CLTCL1: variants seen among roughly 807,000 people sequenced by gnomAD.
CLTCL1 encodes the protein clathrin heavy chain like 1, also known as clathrin heavy chain 2.
Under a neutral mutation model 190.0 loss-of-function variants are expected in CLTCL1, and 159 were observed. The observed-to-expected ratio is 0.84, with a 90% CI of 0.74 to 0.95. The LOEUF (loss-of-function observed/expected upper bound fraction) is 0.95, where lower values mean the gene tolerates loss of function less well. CLTCL1 is among the 40% of genes least tolerant of loss of function. CLTCL1 has a pLI of 0.00. For synonymous variants in CLTCL1, 752 were observed against 769.6 expected (o/e 0.98, Z 0.38); for missense variants, 1,878 against 2,033.4 (o/e 0.92, Z 1.47).
intron 3 of CLTCL1, among the ~76,000 whole-genome samples, chr22:19,253,383 C>T (rs1045410185): frequency 5.9e-5 from 9 of 152,186 alleles, no homozygotes; most frequent in Admixed American, 1.3e-4. Context: ...CTGTGCACAT[C>T]GGGGCCCTTT....
chr22:19,216,081 T>C (rs2145704128), intron 19 of CLTCL1, 30 bp downstream of exon 19: 1 of 1,608,470 alleles, frequency 6.2e-7, no homozygotes, highest in Non-Finnish European at 8.5e-7. Context: ...AATCTGCCTG[T>C]GTCCACAGCT....
At chr22:19,291,498 G>C in intron 1 of CLTCL1, 102 bp downstream of exon 1, 1 of 1,110,396 alleles carries the variant, frequency 9.0e-7, no homozygotes, top group Non-Finnish European at 1.1e-6. Flanking sequence ...GCGGCCAGCT[G>C]GGCAGCGGCT....
At chr22:19,257,472 C>T (rs1199079738) in intron 2 of CLTCL1, 3 of 230,080 alleles carry the variant, frequency 1.3e-5, no homozygotes, top group Non-Finnish European at 2.7e-5. Flanking sequence ...AAACTAAAAT[C>T]ACAGGCAGAA....
At chr22:19,234,810 C>T (rs1189959588) in intron 6 of CLTCL1, 104 bp from the exon 7 acceptor site, 26 of 1,062,626 alleles carry the variant, frequency 2.4e-5, no homozygotes, top group Middle Eastern at 2.3e-4. Context: ...CATTCTCAGG[C>T]GAGTGTTGAG....
At chr22:19,265,895 C>T (rs1555977722) in intron 2 of CLTCL1, among the ~76,000 whole-genome samples, 1 of 152,088 alleles carries the variant, frequency 6.6e-6, no homozygotes, top group Admixed American at 6.5e-5. Context: ...TTTTTACAGA[C>T]AGGGTCTCAC....
rs1027111957 is a variant in CLTCL1 at position 19,187,599 on chromosome 22, C to T, written c.4564G>A (p.Ala1522Thr). ...TTCTTGCAGAGCTCCACGCTCTGGG[C>T]CCACCAGTTATTGCCCTTGTACAGA... ...AYLYKGNNWW[A>T]QSVELCKKDH... Residue 1522 changes from alanine (A) to threonine (T), a missense_variant, in exon 29 of 33, where the codon GCC becomes ACC. By Grantham distance (58) the Ala-to-Thr change is moderately conservative. Coordinates refer to ENST00000427926, the MANE Select transcript of CLTCL1 (RefSeq NM_007098.4). 1 of 1,613,204 alleles carries T rather than the reference C, an allele frequency of 6.2e-7. No individual in the cohort carries two copies. Among genetic ancestry groups the T allele is most frequent in the Admixed American group, 1.7e-5 (1 of 60,024 alleles).
At chr22:19,272,286 C>T (rs930513536) in intron 2 of CLTCL1, among the ~76,000 whole-genome samples, 7 of 152,086 alleles carry the variant, frequency 4.6e-5, no homozygotes, top group Admixed American at 3.3e-4. Flanking sequence ...ACCACAAATC[C>T]GTCAGCAAAG....
At chr22:19,232,755 A>G in intron 9 of CLTCL1, 157 bp from the exon 10 acceptor site, 1 of 909,712 alleles carries the variant, frequency 1.1e-6, no homozygotes, top group South Asian at 1.8e-5. Flanking sequence ...ACAATATCCA[A>G]TTAAATGAAT....
intron 22 of CLTCL1, among the ~76,000 whole-genome samples, chr22:19,203,647 C>T (rs1049060347): frequency 7.2e-5 from 11 of 152,184 alleles, no homozygotes; most frequent in Non-Finnish European, 1.5e-4. Flanking sequence ...TGGTCCATCC[C>T]CCCCCAGCCC....
At chr22:19,227,335 T>G (rs1397082090) in intron 11 of CLTCL1, among the ~76,000 whole-genome samples, 1 of 147,108 alleles carries the variant, frequency 6.8e-6, no homozygotes, top group African/African-American at 2.5e-5. Context: ...GCGAATGGAG[T>G]GCAGTGGTGC....
intron 1 of CLTCL1, among the ~76,000 whole-genome samples, chr22:19,282,837 T>G (rs898594194): frequency 1.6e-4 from 25 of 151,604 alleles, no homozygotes; most frequent in African/African-American, 5.8e-4. Context: ...AAAAGTGATG[T>G]GCTGAAAAGC....
At chr22:19,259,130 C>T (rs1480054854) in intron 2 of CLTCL1, among the ~76,000 whole-genome samples, 1 of 152,072 alleles carries the variant, frequency 6.6e-6, no homozygotes, top group South Asian at 2.1e-4. Flanking sequence ...TTTGAGACAG[C>T]GTTTCGCTCT....
chr22:19,254,120 C>T lies in CLTCL1; in HGVS notation c.358G>A (p.Ala120Thr). The T allele has an allele frequency of 6.2e-7, 1 of 1,613,580 alleles. No homozygotes were observed. Among genetic ancestry groups the T allele is most frequent in the Non-Finnish European group, 8.5e-7 (1 of 1,179,690 alleles). The part of the protein sequence containing the change: ...FWKWVSVNTV[A>T]LVTETAVYHW... ...TAGACCGCGGTCTCGGTCACCAAGG[C>T]AACAGTGTTCACAGAAACCCATTTC... Residue 120 changes from alanine (A) to threonine (T), a missense_variant, in exon 3 of 33, where the codon GCC (alanine) becomes ACC (threonine). By Grantham distance (58) the Ala-to-Thr change is moderately conservative. Transcript: ENST00000427926.
chr22:19,265,665 T>C (rs2087099982), intron 2 of CLTCL1, among the ~76,000 whole-genome samples: 1 of 152,140 alleles, frequency 6.6e-6, no homozygotes, highest in African/African-American at 2.4e-5. Flanking sequence ...GATGTTAGGA[T>C]GCATTTTATA....
Position 19,208,318 on chromosome 22 carries a change from A to G in CLTCL1, c.3443-7T>C, listed in dbSNP as rs782342962. 1.2e-6 allele frequency: 2 copies of G among 1,612,778 alleles called. No homozygotes were observed. Among genetic ancestry groups the G allele is most frequent in the Admixed American group, 3.3e-5 (2 of 59,942 alleles). ...ACTAGATCCTCCCAGTTGTCTAAAG[A>G]CAGAAAACAAAGATAGGTTAACCCA... On this transcript the variant is annotated splice_region_variant and splice_polypyrimidine_tract_variant and intron_variant, in intron 21 of 32. Coordinates refer to ENST00000427926, the MANE Select transcript of CLTCL1 (RefSeq NM_007098.4).
chr22:19,195,389 A>G (rs1357178091), intron 26 of CLTCL1, among the ~76,000 whole-genome samples: 7 of 152,146 alleles, frequency 4.6e-5, no homozygotes, highest in African/African-American at 1.7e-4. Context: ...GGTTCCTTCA[A>G]ATAGTTCCCA....
chr22:19,212,452 T>A (rs1555947306), intron 19 of CLTCL1, among the ~76,000 whole-genome samples: 1 of 149,336 alleles, frequency 6.7e-6, no homozygotes, highest in Non-Finnish European at 1.5e-5. Context: ...CTGCAGCTAC[T>A]CAGAAGGCTG....
chr22:19,270,650 C>A (rs1555980159), intron 2 of CLTCL1, among the ~76,000 whole-genome samples: 1 of 149,776 alleles, frequency 6.7e-6, no homozygotes, highest in African/African-American at 2.5e-5. Flanking sequence ...TGGTGTGAAC[C>A]CGGGAGGCAG....
rs781830075 is a variant in CLTCL1 at position 19,210,388 on chromosome 22, C to T, written c.3187G>A (p.Ala1063Thr). 34 of 1,613,986 alleles carry T rather than the reference C, an allele frequency of 2.1e-5. No homozygotes were observed. Among genetic ancestry groups the T allele is most frequent in the Middle Eastern group, 1.6e-4 (1 of 6,062 alleles). ...ACGGTGAAGGCCTCCTCATACAGTG[C>T]GCTGCTGACAGCGATGCTCGCGATG... ...LDIASIAVSS[A>T]LYEEAFTVFH... Residue 1063 changes from alanine (A) to threonine (T), a missense_variant, in exon 20 of 33, where the codon GCA (alanine) becomes ACA (threonine). Physicochemically the swap from Ala to Thr is moderately conservative, Grantham distance 58. Transcript: ENST00000427926.
Sources: gnomAD v4.1 joint callset for allele counts (sites outside exome capture counted in the v4.1 genomes callset) on GRCh38, gnomAD v4.1.1 for gene constraint, MANE v1.5 for transcripts, NCBI Gene and HGNC (gene_info 2026-07-23, HGNC 2026-07-21) for gene names.